Variants in CYLC1 observed in about 807,000 individuals in gnomAD.
The protein encoded by CYLC1 is cylicin 1.
Under a neutral mutation model 31.6 loss-of-function variants are expected in CYLC1, and 2 were observed. The ratio of observed to expected loss-of-function variants is 0.06; its 90% CI spans 0.03 to 0.20. The LOEUF is 0.20. Ranked by LOEUF, CYLC1 falls within the 10% of genes least tolerant of loss-of-function variation. CYLC1 has a pLI of 1.00. For missense variants in CYLC1, 595 were observed against 424.1 expected (o/e 1.40, Z -3.54); for synonymous variants, 185 against 153.0 (o/e 1.21, Z -1.54).
chrX:83,877,316 G>A (rs1292204481), intron 4 of CYLC1, among the ~76,000 whole-genome samples: 1 of 110,950 alleles, frequency 9.0e-6, no homozygotes, highest in Non-Finnish European at 1.9e-5. Flanking sequence ...AACTCATTAT[G>A]TTGCCCAGGC....
chrX:83,879,544 T>TCC (rs2031880417), intron 4 of CYLC1, among the ~76,000 whole-genome samples: 1 of 112,113 alleles, frequency 8.9e-6, no homozygotes, highest in Non-Finnish European at 1.9e-5. Flanking sequence ...CAGAATTTTG[T>TCC]GTCAATACCA....
chrX:83,875,011 T>C (rs2031739167), intron 4 of CYLC1, among the ~76,000 whole-genome samples: 1 of 111,271 alleles, frequency 9.0e-6, no homozygotes, highest in Non-Finnish European at 1.9e-5. Flanking sequence ...TAAAGACATT[T>C]CCTGAGAAGT....
At position 83,878,981 on chromosome X, in the gene CYLC1, G is replaced by C. The variant is rs537046015; in HGVS notation, c.1923+4350G>C. On this transcript the variant is annotated intron_variant, in intron 4 of 4. Transcript: ENST00000329312. The stretch of plus-strand genomic sequence containing the variant: ...ACCACATAAGCAGTGCTGTGTTTCA[G>C]GGTCAGCACTGTTTACACTCCTGGA... Among the ~76,000 whole-genome samples, 489 of 108,402 alleles carry C rather than the reference G, an allele frequency of 4.5e-3. 7 individuals are homozygous for C. The Middle Eastern group carries it at 0.048, about 11-fold the overall frequency. 94.1% of individuals were successfully genotyped at this position (108,402 alleles called of 115,157 possible). A position where few individuals can be genotyped will look rare whatever the true frequency, so the allele number is the denominator to read the frequency against.
chrX:83,866,447 A>G (rs183198703), intron 1 of CYLC1, among the ~76,000 whole-genome samples: 94 of 110,629 alleles, frequency 8.5e-4, no homozygotes, highest in South Asian at 6.2e-3. Context: ...AAAGTATAGC[A>G]CATGTTTGCA....
chrX:83,881,129 G>GTGT (rs371734890), intron 4 of CYLC1, among the ~76,000 whole-genome samples: 2,041 of 109,020 alleles, frequency 0.019, 37 homozygotes, highest in African/African-American at 0.059. Context: ...AGGAAAGTGG[G>GTGT]TGTTGTTGTT....
rs779359410 is a variant in CYLC1 at position 83,873,040 on chromosome X, A to G, written c.332A>G (p.Lys111Arg). The change falls in exon 4 of 5, where the codon AAA becomes AGA. Residue 111 changes from lysine (K) to arginine (R), a missense_variant. Lys to Arg is a conservative substitution (Grantham distance 26). Coordinates refer to ENST00000329312, the MANE Select transcript of CYLC1 (RefSeq NM_021118.3). ...RHLYTSKTHL[K>R]KAEYKKSKDE... ...CTTTATACTTCCAAAACCCATCTTA[A>G]AAAAGCAGAATATAAAAAGTCCAAA... The G allele has an allele frequency of 3.3e-6, 4 of 1,202,609 alleles. No homozygotes were observed. In the Admixed American group the frequency reaches 9.0e-5, roughly 27 times the overall value.
chrX:83,869,282 G>C (rs867763340), intron 1 of CYLC1, among the ~76,000 whole-genome samples: 1 of 110,526 alleles, frequency 9.0e-6, no homozygotes, highest in African/African-American at 3.3e-5. Context: ...CTTGTGTCAT[G>C]GGGGTTCACT....
chrX:83,863,610 T>A (rs944284284), intron 1 of CYLC1, among the ~76,000 whole-genome samples: 2 of 111,691 alleles, frequency 1.8e-5, no homozygotes, highest in African/African-American at 3.3e-5. Context: ...AAAAAAAATG[T>A]GTAACCATAA....
At chrX:83,880,165 T>C (rs766509470) in intron 4 of CYLC1, among the ~76,000 whole-genome samples, 1 of 111,962 alleles carries the variant, frequency 8.9e-6, no homozygotes, top group Non-Finnish European at 1.9e-5. Context: ...CTAGCTTTCA[T>C]GTCTATTAAT....
chrX:83,873,178 A>T lies in CYLC1; in HGVS notation c.470A>T (p.Glu157Val), dbSNP rs768552244. The T allele has an allele frequency of 8.3e-7, 1 of 1,206,798 alleles. No individual in the cohort carries two copies. Among genetic ancestry groups the T allele is most frequent in the South Asian group, 1.8e-5 (1 of 56,107 alleles). Reference sequence around the variant, plus strand: ...GAAGAGAAAACTAAAAGACAAAATGAGGCAGATAAAACTCCCTTAAAATCA... The same window carrying T: ...GAAGAGAAAACTAAAAGACAAAATGTGGCAGATAAAACTCCCTTAAAATCA... The part of the protein sequence containing the change: ...IVEEKTKRQN[E>V]ADKTPLKSSH... Residue 157 changes from glutamate to valine, a missense_variant, in exon 4 of 5, where the codon GAG becomes GTG. Physicochemically the swap from Glu to Val is moderately radical, Grantham distance 121. Transcript: ENST00000329312.
At chrX:83,876,237 G>T (rs995054199) in intron 4 of CYLC1, among the ~76,000 whole-genome samples, 1 of 110,307 alleles carries the variant, frequency 9.1e-6, no homozygotes, top group African/African-American at 3.3e-5. Context: ...TCTGCTTTGA[G>T]ACTCAAAGTT....
intron 1 of CYLC1, among the ~76,000 whole-genome samples, chrX:83,868,173 A>G (rs181272184): frequency 2.7e-5 from 3 of 111,320 alleles, no homozygotes; most frequent in Non-Finnish European, 5.7e-5. Flanking sequence ...TTATTCAACT[A>G]TATTAAAAAA....
intron 1 of CYLC1, among the ~76,000 whole-genome samples, chrX:83,863,989 A>G (rs1486197141): frequency 9.0e-6 from 1 of 111,546 alleles, no homozygotes; most frequent in Non-Finnish European, 1.9e-5. Flanking sequence ...TGTTCCTGGT[A>G]TTGTGTGGCT....
intron 4 of CYLC1, among the ~76,000 whole-genome samples, chrX:83,877,826 T>C (rs1321724772): frequency 1.1e-5 from 1 of 93,329 alleles, no homozygotes; most frequent in African/African-American, 3.9e-5. Flanking sequence ...TTAATTATAT[T>C]CAACATCAGA....
At chrX:83,865,331 G>C (rs1242788318) in intron 1 of CYLC1, among the ~76,000 whole-genome samples, 1 of 111,018 alleles carries the variant, frequency 9.0e-6, no homozygotes, top group East Asian at 2.8e-4. Flanking sequence ...TTCTCTAGCA[G>C]TGAACATCCA....
chrX:83,878,052 A>G (rs1223430431), intron 4 of CYLC1, among the ~76,000 whole-genome samples: 1 of 64,907 alleles, frequency 1.5e-5, no homozygotes, highest in African/African-American at 6.2e-5. Flanking sequence ...ATAAATATAT[A>G]TATTTGTATA....
intron 1 of CYLC1, among the ~76,000 whole-genome samples, chrX:83,861,510 A>G (rs1405534695): frequency 8.9e-6 from 1 of 111,827 alleles, no homozygotes; most frequent in Non-Finnish European, 1.9e-5. Flanking sequence ...ATGTGAAAGC[A>G]CTTTAAAATG....
At chrX:83,877,671 C>A (rs1182789149) in intron 4 of CYLC1, among the ~76,000 whole-genome samples, 1 of 105,867 alleles carries the variant, frequency 9.4e-6, no homozygotes, top group African/African-American at 3.4e-5. Context: ...TAAGTGTTCT[C>A]TTTAGAGAAG....
At chrX:83,876,051 G>T (rs1017972229) in intron 4 of CYLC1, among the ~76,000 whole-genome samples, 8 of 110,645 alleles carry the variant, frequency 7.2e-5, no homozygotes, top group Non-Finnish European at 1.3e-4. Flanking sequence ...GGCTCAGAGA[G>T]ATCTATTTTA....
Sources: gnomAD v4.1 joint callset for allele counts (sites outside exome capture counted in the v4.1 genomes callset) on GRCh38, gnomAD v4.1.1 for gene constraint, MANE v1.5 for transcripts, NCBI Gene and HGNC (gene_info 2026-07-23, HGNC 2026-07-21) for gene names.